The following MTA3 variants were observed in gnomAD, a reference collection of about 807,000 sequenced individuals.
The protein encoded by MTA3 is metastasis-associated protein MTA3.
MTA3 carries 34 observed loss-of-function variants against 83.5 expected under a neutral mutation model. The observed-to-expected ratio is 0.41, with a 90% CI of 0.31 to 0.54. The LOEUF is 0.54. Among genes scored for constraint, MTA3 ranks in the 20% least tolerant of loss-of-function variants. The pLI is 0.33. For missense variants in MTA3, 761 were observed against 726.4 expected, an observed-to-expected ratio of 1.05 and a Z score of -0.55; for synonymous variants, 303 against 252.7, an observed-to-expected ratio of 1.20 and a Z score of -1.89.
chr2:42,510,153 C>T (rs1674829046), intron 2 of MTA3, among the ~76,000 whole-genome samples: 1 of 151,908 alleles, frequency 6.6e-6, no homozygotes, highest in African/African-American at 2.4e-5. Flanking sequence ...TGGTGAAACT[C>T]CATCTCTACT....
chr2:42,622,249 T>C (rs996860638), intron 4 of MTA3, among the ~76,000 whole-genome samples: 4 of 151,842 alleles, frequency 2.6e-5, no homozygotes, highest in African/African-American at 9.7e-5. Flanking sequence ...CCAAAAAAAA[T>C]ACGAAAACCA....
chr2:42,668,197 TG>T (rs1180310201), intron 8 of MTA3, among the ~76,000 whole-genome samples: 3 of 152,188 alleles, frequency 2.0e-5, no homozygotes, highest in Non-Finnish European at 2.9e-5. Context: ...TAGAGGCAGT[TG>T]GGGGCTCCTT....
chr2:42,713,927 A>T (rs1666832544), intron 14 of MTA3, among the ~76,000 whole-genome samples: 1 of 152,212 alleles, frequency 6.6e-6, no homozygotes, highest in South Asian at 2.1e-4. Context: ...TGTTCCTTAC[A>T]AGATAGATCC....
At chr2:42,716,063 A>G (rs889793284) in intron 14 of MTA3, among the ~76,000 whole-genome samples, 23 of 152,294 alleles carry the variant, frequency 1.5e-4, no homozygotes, top group African/African-American at 5.3e-4. Context: ...CCTAGTGTTT[A>G]TTTAGATTAC....
intron 8 of MTA3, among the ~76,000 whole-genome samples, chr2:42,670,697 A>G (rs1239117412): frequency 1.3e-5 from 2 of 151,886 alleles, no homozygotes; most frequent in East Asian, 1.9e-4. Flanking sequence ...GCTGGGGCCT[A>G]GTGCGAGAGC....
At chr2:42,582,321 G>T (rs1054392178) in intron 3 of MTA3, among the ~76,000 whole-genome samples, 1 of 152,108 alleles carries the variant, frequency 6.6e-6, no homozygotes, top group Non-Finnish European at 1.5e-5. Flanking sequence ...GCCTCCCAAA[G>T]TGCTGGGATT....
intron 16 of MTA3, among the ~76,000 whole-genome samples, chr2:42,724,678 T>A (rs1209807470): frequency 6.6e-6 from 1 of 152,008 alleles, no homozygotes; most frequent in South Asian, 2.1e-4. Flanking sequence ...GTGACTGATG[T>A]TAGCATAGCA....
chr2:42,641,828 T>C (rs1173882547), intron 5 of MTA3, among the ~76,000 whole-genome samples: 2 of 151,904 alleles, frequency 1.3e-5, no homozygotes, highest in Admixed American at 1.3e-4. Context: ...ATCGCGCTAC[T>C]ATACCTCTAG....
intron 2 of MTA3, among the ~76,000 whole-genome samples, chr2:42,521,688 C>G (rs1675435537): frequency 6.6e-6 from 1 of 151,180 alleles, no homozygotes; most frequent in Non-Finnish European, 1.5e-5. Flanking sequence ...TTGAGAAGCC[C>G]TTTGTCAGAC....
chr2:42,742,465 A>AT (rs1669106961), intron 16 of MTA3, among the ~76,000 whole-genome samples: 1 of 151,814 alleles, frequency 6.6e-6, no homozygotes, highest in Non-Finnish European at 1.5e-5. Flanking sequence ...CTTCACCATC[A>AT]TTTTTTGCCT....
At chr2:42,496,103 G>C (rs1044788651) in intron 2 of MTA3, among the ~76,000 whole-genome samples, 1 of 152,178 alleles carries the variant, frequency 6.6e-6, no homozygotes, top group Admixed American at 6.5e-5. Context: ...TTTATTTCCT[G>C]TGTTCTCTCC....
intron 1 of MTA3, among the ~76,000 whole-genome samples, chr2:42,569,188 T>G (rs1252700591): frequency 5.3e-4 from 13 of 24,738 alleles, no homozygotes; most frequent in South Asian, 1.7e-3. Flanking sequence ...AGTGGGAGCC[T>G]GGGGTGGGGG....
intron 8 of MTA3, among the ~76,000 whole-genome samples, chr2:42,663,345 C>T (rs945148500): frequency 2.0e-5 from 3 of 152,166 alleles, no homozygotes; most frequent in Non-Finnish European, 4.4e-5. Context: ...ATGTGCAGGA[C>T]AGCAGGTGAA....
chr2:42,707,809 C>A, intron 12 of MTA3, 94 bp from the exon 13 acceptor site: 1 of 1,274,750 alleles, frequency 7.8e-7, no homozygotes, highest in Non-Finnish European at 1.1e-6. Flanking sequence ...GTAAACTAAG[C>A]ATGACAAGTA....
At chr2:42,657,959 C>G (rs1237181548) in intron 7 of MTA3, among the ~76,000 whole-genome samples, 1 of 149,750 alleles carries the variant, frequency 6.7e-6, no homozygotes, top group East Asian at 2.0e-4. Flanking sequence ...GTAATCCCAG[C>G]TACTTGGGAG....
At chr2:42,618,205 C>CCACCCTGGT (rs1685137597) in intron 4 of MTA3, among the ~76,000 whole-genome samples, 1 of 151,960 alleles carries the variant, frequency 6.6e-6, no homozygotes, top group South Asian at 2.1e-4. Flanking sequence ...ACCCTGGCCT[C>CCACCCTGGT]CCACCGTGAG....
chr2:42,641,917 TTGGGTACACTGTTCACTATTCAGGTGA>T (rs1687732332), intron 5 of MTA3, among the ~76,000 whole-genome samples: 1 of 151,866 alleles, frequency 6.6e-6, no homozygotes, highest in Admixed American at 6.6e-5. Flanking sequence ...AAATTACCTA[TTGGGTACACTGTTCACTATTCAGGTGA>T]TGGGTACACT....
intron 8 of MTA3, among the ~76,000 whole-genome samples, chr2:42,667,203 T>C (rs1558561763): frequency 6.6e-6 from 1 of 152,196 alleles, no homozygotes; most frequent in Non-Finnish European, 1.5e-5. Flanking sequence ...TATGCCAGCA[T>C]GCCCAGCTGT....
intron 4 of MTA3, among the ~76,000 whole-genome samples, chr2:42,636,379 A>G (rs1345694656): frequency 1.3e-5 from 2 of 151,990 alleles, no homozygotes; most frequent in Admixed American, 6.6e-5. Context: ...ATCTCTACAA[A>G]GAATTTAAAA....
Sources: gnomAD v4.1 joint callset for allele counts (sites outside exome capture counted in the v4.1 genomes callset) on GRCh38, gnomAD v4.1.1 for gene constraint, MANE v1.5 for transcripts, NCBI Gene and HGNC (gene_info 2026-07-23, HGNC 2026-07-21) for gene names.